SCN11A: variants seen among roughly 807,000 people sequenced by gnomAD.
The protein encoded by SCN11A is sodium voltage-gated channel alpha subunit 11.
A neutral mutation model predicts 162.2 loss-of-function variants in SCN11A; 122 were observed. The observed-to-expected ratio is 0.75, with a 90% confidence interval of 0.65 to 0.87. The LOEUF is 0.87. Among genes scored for constraint, SCN11A ranks in the 40% least tolerant of loss-of-function variants. The probability of loss-of-function intolerance (pLI) is 0.00; values close to 1 mark genes in which losing one functional copy is unlikely to be tolerated. For synonymous variants in SCN11A, 758 were observed against 751.5 expected (o/e 1.01, Z -0.14); for missense variants, 2,015 against 2,181.6 (o/e 0.92, Z 1.52).
intron 2 of SCN11A, among the ~76,000 whole-genome samples, chr3:38,960,947 C>A (rs1389614448): frequency 6.6e-6 from 1 of 152,170 alleles, no homozygotes; most frequent in African/African-American, 2.4e-5. Context: ...CTGTCACCAA[C>A]CCAAAACTCC....
intron 2 of SCN11A, among the ~76,000 whole-genome samples, chr3:38,970,912 C>T (rs575982313): frequency 5.4e-4 from 82 of 152,328 alleles, no homozygotes; most frequent in African/African-American, 1.8e-3. Context: ...TACCTGATCT[C>T]CCAATCCCTA....
At chr3:38,850,425 G>A in intron 29 of SCN11A, 56 bp downstream of exon 29, 9 of 1,493,926 alleles carry the variant, frequency 6.0e-6, no homozygotes, top group Non-Finnish European at 8.2e-6. Context: ...AAAATGATAA[G>A]ATTTACAAAC....
Position 38,896,955 on chromosome 3 carries a change from G to C in SCN11A, c.2293C>G (p.Leu765Val). 1 of 1,614,078 alleles carries C rather than the reference G, an allele frequency of 6.2e-7. No individual in the cohort carries two copies. The highest frequency in any genetic ancestry group is 8.5e-7 in the Non-Finnish European group (1 of 1,180,012). Residue 765 changes from leucine to valine, a missense_variant, in exon 18 of 30, where the codon CTC (leucine) becomes GTC (valine). Physicochemically the swap from Leu to Val is conservative, Grantham distance 32 (BLOSUM62 1). Transcript: ENST00000302328. ...ATATTTTCGATCCATTCCCCGCAGA[G>C]GATGCGGAATACCACTAGGAAGGAG... ...WHSFLVVFRI[L>V]CGEWIENMWE...
At chr3:38,851,179 A>G (rs1050909506) in intron 28 of SCN11A, among the ~76,000 whole-genome samples, 2 of 152,218 alleles carry the variant, frequency 1.3e-5, no homozygotes, top group African/African-American at 2.4e-5. Context: ...ACCTGCTCAC[A>G]TAAGTATGTT....
At chr3:38,938,860 C>G (rs572953043) in intron 7 of SCN11A, among the ~76,000 whole-genome samples, 1 of 151,588 alleles carries the variant, frequency 6.6e-6, no homozygotes, top group African/African-American at 2.4e-5. Context: ...CCACGGCGCC[C>G]GGCCAAAAAT....
intron 7 of SCN11A, among the ~76,000 whole-genome samples, chr3:38,942,253 CATAG>C (rs2066453482): frequency 6.6e-6 from 1 of 152,106 alleles, no homozygotes. Flanking sequence ...AATCCACAAT[CATAG>C]ATAGAGATTT....
chr3:39,022,885 AAAAT>A (rs948792955), intron 2 of SCN11A, among the ~76,000 whole-genome samples: 5 of 152,190 alleles, frequency 3.3e-5, no homozygotes, highest in African/African-American at 9.6e-5. Flanking sequence ...TCTCAAAAAA[AAAAT>A]AAATAAATAA....
rs770041868 is a variant in SCN11A, at chr3:38,847,114, G to C, written c.4956C>G (p.Ala1652=). The C allele has an allele frequency of 6.2e-7, 1 of 1,614,164 alleles. No homozygotes were observed. The highest frequency in any genetic ancestry group is 2.2e-5 in the East Asian group (1 of 44,876). The change falls in exon 30 of 30, where the codon GCC becomes GCG. Residue 1652 remains alanine (A), a synonymous_variant. Coordinates refer to ENST00000302328, the MANE Select transcript of SCN11A (RefSeq NM_001349253.2). ...KYSALSDFAD[A]LPEPLRVAKP... is the part of the protein sequence containing the mutation. The stretch of plus-strand genomic sequence containing the variant: ...TTGCGACACGCAAAGGCTCAGGCAA[G>C]GCATCAGCAAAGTCAGAAAGGGCAG...
chr3:38,929,584 G>A (rs2066207100), intron 7 of SCN11A, among the ~76,000 whole-genome samples: 1 of 152,134 alleles, frequency 6.6e-6, no homozygotes, highest in Admixed American at 6.5e-5. Context: ...AATAAAAACT[G>A]GGCCCTTCCT....
intron 2 of SCN11A, among the ~76,000 whole-genome samples, chr3:38,984,717 G>A (rs113291984): frequency 6.6e-6 from 1 of 152,124 alleles, no homozygotes; most frequent in Non-Finnish European, 1.5e-5. Flanking sequence ...CACCATGTTG[G>A]CCAGGCTGGT....
chr3:38,901,220 T>C (rs1407193181), intron 16 of SCN11A, among the ~76,000 whole-genome samples: 2 of 152,112 alleles, frequency 1.3e-5, no homozygotes, highest in East Asian at 3.8e-4. Flanking sequence ...TGAAATAAAA[T>C]GGCAAAAGTT....
chr3:38,856,751 A>G (rs549269626), intron 28 of SCN11A, among the ~76,000 whole-genome samples: 109 of 152,344 alleles, frequency 7.2e-4, no homozygotes, highest in African/African-American at 2.6e-3. Context: ...AATGTACACC[A>G]TGAGAGAACC....
chr3:38,999,333 A>C (rs927115084), intron 2 of SCN11A, among the ~76,000 whole-genome samples: 1 of 152,228 alleles, frequency 6.6e-6, no homozygotes, highest in Non-Finnish European at 1.5e-5. Flanking sequence ...TTTTTCTAAA[A>C]AACAAAATTG....
At chr3:38,873,420 A>T (rs1189387648) in intron 23 of SCN11A, among the ~76,000 whole-genome samples, 1 of 152,202 alleles carries the variant, frequency 6.6e-6, no homozygotes, top group African/African-American at 2.4e-5. Flanking sequence ...TTAATATGAC[A>T]GAATATTAAG....
At chr3:39,046,008 C>T (rs2032172642) in intron 1 of SCN11A, among the ~76,000 whole-genome samples, 1 of 152,124 alleles carries the variant, frequency 6.6e-6, no homozygotes, top group African/African-American at 2.4e-5. Context: ...TCCTGTAATC[C>T]CAACACTTTG....
At chr3:38,892,553 A>G (rs546209824) in intron 19 of SCN11A, among the ~76,000 whole-genome samples, 1 of 152,282 alleles carries the variant, frequency 6.6e-6, no homozygotes, top group East Asian at 1.9e-4. Flanking sequence ...ACAAATGAAG[A>G]CAGCCAAGAG....
intron 19 of SCN11A, 132 bp downstream of exon 19, chr3:38,894,401 T>C (rs2065550797): frequency 2.7e-6 from 2 of 729,038 alleles, no homozygotes. Flanking sequence ...GATGTGCACA[T>C]GGGTATCAAA....
intron 2 of SCN11A, among the ~76,000 whole-genome samples, chr3:38,996,781 A>G (rs555218970): frequency 6.6e-6 from 1 of 152,302 alleles, no homozygotes; most frequent in East Asian, 1.9e-4. Context: ...TCTCCCATCA[A>G]GAAGGAGAGT....
chr3:38,897,579 G>T (rs180788807), intron 17 of SCN11A, among the ~76,000 whole-genome samples: 75 of 152,250 alleles, frequency 4.9e-4, no homozygotes, highest in Admixed American at 1.4e-3. Flanking sequence ...AGCTGGGCAT[G>T]GTGGCGCATG....
Sources: gnomAD v4.1 joint callset for allele counts (sites outside exome capture counted in the v4.1 genomes callset) on GRCh38, gnomAD v4.1.1 for gene constraint, MANE v1.5 for transcripts, NCBI Gene and HGNC (gene_info 2026-07-23, HGNC 2026-07-21) for gene names.